Variants in FUBP3 observed in about 807,000 individuals in gnomAD.
FUBP3 encodes the protein far upstream element binding protein 3.
In FUBP3, 28 loss-of-function variants were observed where a neutral mutation model predicts 85.6. That is an observed-to-expected ratio of 0.33 (90% confidence interval 0.24 to 0.45). FUBP3 has a LOEUF of 0.45. Among genes scored for constraint, FUBP3 ranks in the 20% least tolerant of loss-of-function variants. FUBP3 has a pLI of 1.00. For synonymous variants in FUBP3, 271 were observed against 271.4 expected (o/e 1.00, Z 0.01); for missense variants, 583 against 755.1 (o/e 0.77, Z 2.67).
At chr9:130,620,514 CA>C in intron 9 of FUBP3, 56 bp downstream of exon 9, 1 of 845,134 alleles carries the variant, frequency 1.2e-6, no homozygotes, top group Non-Finnish European at 1.9e-6. Flanking sequence ...AGTTGTAGGT[CA>C]CACTTTTGTT....
Position 130,610,574 on chromosome 9 carries a change from A to G in FUBP3, c.224+587A>G, listed in dbSNP as rs145876527. On this transcript the variant is annotated intron_variant, in intron 3 of 18. Transcript: ENST00000319725. ...TTAGAGAGATACAGAAAGAGCCCTG[A>G]GTTTTACAAAGGCCAATCTGTAAGA... Among the ~76,000 whole-genome samples, 6 of 152,336 alleles carry G rather than the reference A, an allele frequency of 3.9e-5. No homozygotes were observed. In the East Asian group the frequency reaches 1.2e-3, roughly 29 times the overall value.
intron 6 of FUBP3, among the ~76,000 whole-genome samples, chr9:130,615,770 C>G (rs934527250): frequency 6.6e-6 from 1 of 152,224 alleles, no homozygotes. Context: ...ACCGCCTCCC[C>G]CTTTCCCACC....
rs1235400123 is a variant in FUBP3 at position 130,637,047 on chromosome 9, C to A, written c.*25C>A. The A allele has an allele frequency of 6.2e-7, 1 of 1,600,460 alleles. No homozygotes were observed. The highest frequency in any genetic ancestry group is 8.6e-7 in the Non-Finnish European group (1 of 1,167,580). Reference sequence around the variant, plus strand: ...GGACAGCGTCCTCGTGGCCAACTCTCCCCTCAAAATCATTGTCAAAGAAAA... The same window carrying A: ...GGACAGCGTCCTCGTGGCCAACTCTACCCTCAAAATCATTGTCAAAGAAAA... On this transcript the variant is annotated 3_prime_UTR_variant, in exon 19 of 19. Transcript: ENST00000319725.
At chr9:130,617,370 A>G (rs1832061383) in intron 7 of FUBP3, among the ~76,000 whole-genome samples, 1 of 152,138 alleles carries the variant, frequency 6.6e-6, no homozygotes, top group Admixed American at 6.5e-5. Flanking sequence ...GGAGTTTATC[A>G]TTTGGGATCC....
At chr9:130,603,347 C>CGA (rs1242374389) in intron 2 of FUBP3, among the ~76,000 whole-genome samples, 1 of 83,818 alleles carries the variant, frequency 1.2e-5, no homozygotes, top group East Asian at 3.5e-4. Context: ...ACTCTGTCTC[C>CGA]AAAAAAAAAA....
chr9:130,599,925 T>A (rs1388333288), intron 2 of FUBP3, among the ~76,000 whole-genome samples: 1 of 152,158 alleles, frequency 6.6e-6, no homozygotes, highest in Non-Finnish European at 1.5e-5. Flanking sequence ...TCCTCCTGTG[T>A]AGCAGCCTGG....
intron 9 of FUBP3, among the ~76,000 whole-genome samples, chr9:130,622,320 CAAAAAAAA>C (rs917479721): frequency 2.3e-5 from 1 of 44,348 alleles, no homozygotes; most frequent in Non-Finnish European, 4.7e-5. Flanking sequence ...ACTCCATCTC[CAAAAAAAA>C]AAAAAAAAAA....
chr9:130,619,534 A>C (rs1397251686), intron 8 of FUBP3, among the ~76,000 whole-genome samples: 2 of 152,224 alleles, frequency 1.3e-5, no homozygotes, highest in Non-Finnish European at 2.9e-5. Flanking sequence ...TATCCAGTAC[A>C]TGTCCAGATT....
intron 9 of FUBP3, among the ~76,000 whole-genome samples, chr9:130,621,659 C>T (rs1829752467): frequency 6.6e-6 from 1 of 152,200 alleles, no homozygotes; most frequent in Non-Finnish European, 1.5e-5. Flanking sequence ...GTAATCCCAG[C>T]ACTTTGGGAG....
intron 12 of FUBP3, among the ~76,000 whole-genome samples, chr9:130,628,098 GCACGCGCACACA>G (rs1830061145): frequency 8.6e-6 from 1 of 116,908 alleles, no homozygotes; most frequent in East Asian, 3.0e-4. Flanking sequence ...ACGCACGCAC[GCACGCGCACACA>G]CACACACACA....
At chr9:130,610,047 C>A in intron 3 of FUBP3, 60 bp downstream of exon 3, 1 of 1,260,862 alleles carries the variant, frequency 7.9e-7, no homozygotes, top group Non-Finnish European at 1.2e-6. Context: ...ATTGATCCAC[C>A]ATCTGTACTA....
Position 130,630,752 on chromosome 9 carries a change from C to A in FUBP3, c.1242C>A (p.Ile414=), listed in dbSNP as rs373905717. The change falls in exon 13 of 19, where the codon ATC becomes ATA. Residue 414 remains isoleucine (I), a synonymous_variant. Transcript: ENST00000319725. ...RFTIRGVPQQ[I]EVARQLIDEK... is the part of the protein sequence containing the mutation. ...CCATCAGGGGGGTTCCCCAGCAGAT[C>A]GAGGTGGCCAGGCAGCTCATAGATG... 1.9e-6 allele frequency: 3 copies of A among 1,550,208 alleles called. No homozygotes were observed. The highest frequency in any genetic ancestry group is 2.6e-6 in the Non-Finnish European group (3 of 1,149,854).
At chr9:130,617,405 C>T (rs1832064186) in intron 7 of FUBP3, among the ~76,000 whole-genome samples, 1 of 152,166 alleles carries the variant, frequency 6.6e-6, no homozygotes. Flanking sequence ...TGGTCCGCCA[C>T]TCATTAGCTC....
At chr9:130,596,678 TC>T in intron 2 of FUBP3, 1 of 454,670 alleles carries the variant, frequency 2.2e-6, no homozygotes, top group Non-Finnish European at 4.5e-6. Flanking sequence ...TTTTAAATCC[TC>T]CAGTTCATAG....
In FUBP3 at chr9:130,582,644, C is replaced by G. The variant is rs1588107808; in HGVS notation, c.84+2880C>G. On this transcript the variant is annotated intron_variant, in intron 1 of 18. Transcript: ENST00000319725. ...TGAGTAGTTCATCCTGTTCCACAGC[C>G]GTCCTCTGCACTTCTATACTGACTG... is the stretch of plus-strand genomic sequence containing the variant. Among the ~76,000 whole-genome samples the G allele has an allele frequency of 2.6e-5, 4 of 152,280 alleles. No individual in the cohort carries two copies. The South Asian group carries it at 8.3e-4, about 32-fold the overall frequency.
chr9:130,628,914 CAT>C (rs1415180620), intron 12 of FUBP3, among the ~76,000 whole-genome samples: 5 of 152,296 alleles, frequency 3.3e-5, no homozygotes, highest in African/African-American at 1.2e-4. Flanking sequence ...GGATTACAGG[CAT>C]GCGCCACCAC....
At chr9:130,627,113 C>A (rs1405846010) in intron 12 of FUBP3, among the ~76,000 whole-genome samples, 1 of 152,210 alleles carries the variant, frequency 6.6e-6, no homozygotes, top group Non-Finnish European at 1.5e-5. Context: ...CCTTCCTGTC[C>A]TTCACTGAGA....
chr9:130,611,182 T>C (rs745576756), intron 3 of FUBP3, among the ~76,000 whole-genome samples: 1 of 152,174 alleles, frequency 6.6e-6, no homozygotes, highest in Non-Finnish European at 1.5e-5. Context: ...GGTAATATTT[T>C]CTGAGAGTAG....
chr9:130,589,886 G>C (rs949721943), intron 1 of FUBP3, among the ~76,000 whole-genome samples: 2 of 148,080 alleles, frequency 1.4e-5, no homozygotes, highest in Non-Finnish European at 3.0e-5. Flanking sequence ...AGGTTTTTTT[G>C]TTTTTGTTTT....
Sources: gnomAD v4.1 joint callset for allele counts (sites outside exome capture counted in the v4.1 genomes callset) on GRCh38, gnomAD v4.1.1 for gene constraint, MANE v1.5 for transcripts, NCBI Gene and HGNC (gene_info 2026-07-23, HGNC 2026-07-21) for gene names.